ZBTB38: variants seen among roughly 807,000 people sequenced by gnomAD.
The protein encoded by ZBTB38 is zinc finger and BTB domain-containing protein 38.
A neutral mutation model predicts 76.8 loss-of-function variants in ZBTB38; 20 were observed. That is an observed-to-expected ratio of 0.26 (90% CI 0.18 to 0.38). The LOEUF (loss-of-function observed/expected upper bound fraction) is 0.38, where lower values mean the gene tolerates loss of function less well. Among genes scored for constraint, ZBTB38 ranks in the 10% least tolerant of loss-of-function variants. The pLI is 1.00. For synonymous variants in ZBTB38, 504 were observed against 544.2 expected, an observed-to-expected ratio of 0.93 and a Z score of 1.03; for missense variants, 1,082 against 1,482.3, an observed-to-expected ratio of 0.73 and a Z score of 4.43.
rs1471857711 is a variant in ZBTB38, at chr3:141,442,067, C to A, written c.1-322C>A. On this transcript the variant is annotated intron_variant, in intron 5 of 5. Coordinates refer to ENST00000321464, the MANE Select transcript of ZBTB38 (RefSeq NM_001376113.1). This position sits in a 1 kb window ranked among gnomAD's most constrained non-coding sequence, Gnocchi z 6.4. The stretch of plus-strand genomic sequence containing the variant: ...CCTTGAATGATGATGAGACCCTTAA[C>A]ATTTCAGAAAAAAAAAAAAAACCTC... Among the ~76,000 whole-genome samples, 10 of 146,672 alleles carry A rather than the reference C, an allele frequency of 6.8e-5. No homozygotes were observed. Among genetic ancestry groups the A allele is most frequent in the African/African-American group, 1.7e-4 (7 of 40,060 alleles).
chr3:141,427,247 C>G (rs1160364060), intron 5 of ZBTB38, among the ~76,000 whole-genome samples: 1 of 152,152 alleles, frequency 6.6e-6, no homozygotes, highest in Non-Finnish European at 1.5e-5. Context: ...TCTCAGCCCT[C>G]ATATAATTTT....
At chr3:141,330,580 C>A (rs1053296444) in intron 1 of ZBTB38, among the ~76,000 whole-genome samples, 2 of 152,248 alleles carry the variant, frequency 1.3e-5, no homozygotes, top group South Asian at 4.1e-4. Flanking sequence ...TTGTGTCAGA[C>A]ACTCAGACTC....
intron 1 of ZBTB38, among the ~76,000 whole-genome samples, chr3:141,356,375 T>C (rs775858101): frequency 2.0e-5 from 3 of 151,966 alleles, no homozygotes; most frequent in Non-Finnish European, 4.4e-5. Context: ...GGGGCTACAC[T>C]TCAAGGGACA....
At chr3:141,361,055 A>G (rs1943810980) in intron 1 of ZBTB38, among the ~76,000 whole-genome samples, 2 of 152,180 alleles carry the variant, frequency 1.3e-5, no homozygotes, top group South Asian at 4.1e-4. Context: ...TGCTACACAA[A>G]GGACAAAAAC....
chr3:141,385,038 C>T (rs1267449687), intron 3 of ZBTB38, among the ~76,000 whole-genome samples: 1 of 152,124 alleles, frequency 6.6e-6, no homozygotes, highest in Non-Finnish European at 1.5e-5. Flanking sequence ...AACCTAGTAC[C>T]TCAGCTAAGG....
intron 4 of ZBTB38, among the ~76,000 whole-genome samples, chr3:141,401,999 C>G (rs1349851201): frequency 6.6e-6 from 1 of 152,268 alleles, no homozygotes; most frequent in Non-Finnish European, 1.5e-5. Context: ...CAGGAGCCCA[C>G]GGACCCTTCT....
chr3:141,328,962 A>G (rs1414111188), intron 1 of ZBTB38, among the ~76,000 whole-genome samples: 2 of 152,082 alleles, frequency 1.3e-5, no homozygotes, highest in Non-Finnish European at 2.9e-5. Context: ...CCTCCTCCTG[A>G]GTGCTCCCAT....
chr3:141,403,393 G>A (rs1953067586), intron 4 of ZBTB38, among the ~76,000 whole-genome samples: 1 of 152,158 alleles, frequency 6.6e-6, no homozygotes, highest in African/African-American at 2.4e-5. Flanking sequence ...TCAAGAGTGG[G>A]GGACCCATTC....
intron 1 of ZBTB38, among the ~76,000 whole-genome samples, chr3:141,369,619 A>G (rs1944249319): frequency 6.6e-6 from 1 of 152,208 alleles, no homozygotes; most frequent in Admixed American, 6.5e-5. Context: ...TCATCCCCTG[A>G]GTCAGCATCT....
chr3:141,443,917 A>G lies in ZBTB38; in HGVS notation c.1529A>G (p.His510Arg). Reference protein sequence around the residue: ...AEYRTRHEIWHTGERRYQCIF... With the variant: ...AEYRTRHEIWRTGERRYQCIF... ...TACAGGACAAGGCATGAAATTTGGC[A>G]TACGGGAGAAAGACGATATCAGTGC... The change falls in exon 6 of 6, where the codon CAT (histidine) becomes CGT (arginine). Residue 510 changes from histidine (H) to arginine (R), a missense_variant. This residue lies in a region of ZBTB38 where 60 missense variants were observed against 126.0 expected (regional missense o/e 0.48). Coordinates refer to ENST00000321464, the MANE Select transcript of ZBTB38 (RefSeq NM_001376113.1). This position sits in a 1 kb window ranked among gnomAD's most constrained non-coding sequence, Gnocchi z 5.6. The G allele has an allele frequency of 6.2e-7, 1 of 1,614,232 alleles. No homozygotes were observed. Among genetic ancestry groups the G allele is most frequent in the South Asian group, 1.1e-5 (1 of 91,088 alleles).
chr3:141,443,365 C>A lies in ZBTB38; in HGVS notation c.977C>A (p.Ser326Tyr). The change falls in exon 6 of 6, where the codon TCT becomes TAT. Residue 326 changes from serine to tyrosine, a missense_variant. This residue lies in a region of ZBTB38 where 324 missense variants were observed against 359.1 expected (regional missense o/e 0.90). Transcript: ENST00000321464. This position sits in a 1 kb window ranked among gnomAD's most constrained non-coding sequence, Gnocchi z 5.6. ...TTTTCCAGGGAAGATGAAAATCAAT[C>A]TTCTGATGTTCCCGGGCCGCCAGCC... ...VHFSREDENQ[S>Y]SDVPGPPAAE... 6.2e-7 allele frequency: 1 copy of A among 1,614,214 alleles called. No individual in the cohort carries two copies. Among genetic ancestry groups the A allele is most frequent in the South Asian group, 1.1e-5 (1 of 91,080 alleles).
chr3:141,406,424 A>C (rs771145838), intron 5 of ZBTB38, among the ~76,000 whole-genome samples: 1 of 152,244 alleles, frequency 6.6e-6, no homozygotes, highest in African/African-American at 2.4e-5. Context: ...CTGATGTCTC[A>C]GTGAAGGAAC....
chr3:141,429,381 G>A lies in ZBTB38; in HGVS notation c.1-13008G>A, dbSNP rs549091012. The stretch of plus-strand genomic sequence containing the variant: ...GGTTGCCTTTTGGGGGATCGTGAGT[G>A]CAGGGAATGGTGGCAGCTTGCTTTT... On this transcript the variant is annotated intron_variant, in intron 5 of 5. Transcript: ENST00000321464. 4.6e-5 allele frequency among the ~76,000 whole-genome samples: 7 copies of A among 152,220 alleles called. No individual in the cohort carries two copies. The South Asian group carries it at 1.5e-3, about 32-fold the overall frequency.
intron 5 of ZBTB38, among the ~76,000 whole-genome samples, chr3:141,408,653 T>C (rs1462828958): frequency 1.3e-5 from 2 of 152,244 alleles, no homozygotes; most frequent in Non-Finnish European, 2.9e-5. Flanking sequence ...GTTTGGTGTT[T>C]AACTTAGATA....
chr3:141,379,400 G>A lies in ZBTB38; in HGVS notation c.-234-2025G>A, dbSNP rs562223286. ...TGAGCATATGGGCTGAAGTCTATGC[G>A]GCATCCTGTCCGGATGTGACAATAC... is the stretch of plus-strand genomic sequence containing the variant. On this transcript the variant is annotated intron_variant, in intron 2 of 5. Transcript: ENST00000321464. 5.9e-5 allele frequency among the ~76,000 whole-genome samples: 9 copies of A among 152,256 alleles called. No individual in the cohort carries two copies. In the South Asian group the frequency reaches 1.7e-3, roughly 28 times the overall value.
intron 1 of ZBTB38, among the ~76,000 whole-genome samples, chr3:141,326,691 T>C (rs112722912): frequency 6.6e-5 from 10 of 152,342 alleles, no homozygotes; most frequent in African/African-American, 2.4e-4. Flanking sequence ...TTTTTTACAA[T>C]GATACTCTTG....
intron 1 of ZBTB38, among the ~76,000 whole-genome samples, chr3:141,363,086 T>A (rs892686196): frequency 6.6e-6 from 1 of 152,198 alleles, no homozygotes; most frequent in South Asian, 2.1e-4. Flanking sequence ...GGACTGGGAC[T>A]TAAGACTTTT....
At position 141,444,665 on chromosome 3, in the gene ZBTB38, C is replaced by T. The variant is rs777629945; in HGVS notation, c.2277C>T (p.Pro759=). ...VSQSLKDDSK[P]EPDKVGRFAS... ...AGTCCCTGAAAGATGACAGTAAGCCCGAGCCAGATAAAGTGGGTAGGTTTG... is the reference window on the plus strand; with the variant it reads ...AGTCCCTGAAAGATGACAGTAAGCCTGAGCCAGATAAAGTGGGTAGGTTTG... The change falls in exon 6 of 6, where the codon CCC becomes CCT. Residue 759 remains proline (P), a synonymous_variant. Coordinates refer to ENST00000321464, the MANE Select transcript of ZBTB38 (RefSeq NM_001376113.1). This position sits in a 1 kb window ranked among gnomAD's most constrained non-coding sequence, Gnocchi z 5.1. 26 of 1,613,898 alleles carry T rather than the reference C, an allele frequency of 1.6e-5. No individual in the cohort carries two copies. The highest frequency in any genetic ancestry group is 1.3e-4 in the Admixed American group (8 of 59,988).
rs752222594 is a variant in ZBTB38 at position 141,443,633 on chromosome 3, T to C, written c.1245T>C (p.Ile415=). 6.2e-7 allele frequency: 1 copy of C among 1,614,232 alleles called. No individual in the cohort carries two copies. The highest frequency in any genetic ancestry group is 8.5e-7 in the Non-Finnish European group (1 of 1,180,044). The stretch of plus-strand genomic sequence containing the variant: ...GCTTTTTAGAAAACTATCCTACCAT[T>C]GGACAAAATGGAGGTTCATTCACAG... ...NQRFLENYPT[I]GQNGGSFTGP... The change falls in exon 6 of 6, where the codon ATT becomes ATC. Residue 415 remains isoleucine, a synonymous_variant. Transcript: ENST00000321464. This position sits in a 1 kb window ranked among gnomAD's most constrained non-coding sequence, Gnocchi z 5.6.
Sources: allele counts gnomAD v4.1 joint callset (sites outside exome capture counted in the v4.1 genomes callset), GRCh38; gene constraint gnomAD v4.1.1; regional missense constraint gnomAD v4.1.1; non-coding constraint Gnocchi (gnomAD v3.1); transcripts MANE v1.5; gene names NCBI Gene and HGNC (gene_info 2026-07-23, HGNC 2026-07-21).